Variants in EXOC2 observed in about 807,000 individuals in gnomAD.
The protein encoded by EXOC2 is SEC5-like 1.
In EXOC2, 70 loss-of-function variants were observed where a neutral mutation model predicts 131.8. The ratio of observed to expected loss-of-function variants is 0.53; its 90% CI spans 0.44 to 0.65. The LOEUF is 0.65. EXOC2 is among the 30% of genes least tolerant of loss of function. EXOC2 has a pLI of 0.00. For synonymous variants in EXOC2, 411 were observed against 398.4 expected, an observed-to-expected ratio of 1.03 and a Z score of -0.38; for missense variants, 923 against 1,108.6, an observed-to-expected ratio of 0.83 and a Z score of 2.38.
rs75668712 is a variant in EXOC2, at chr6:659,222, G to A, written c.-43-21361C>T. Among the ~76,000 whole-genome samples the A allele has an allele frequency of 1.2e-3, 182 of 152,208 alleles. No homozygotes were observed. The Middle Eastern group carries it at 0.014, about 11-fold the overall frequency. The stretch of plus-strand genomic sequence containing the variant: ...ATGTCATTTATTTAACTGACATTGC[G>A]TTTGCTGTAATTTTCAAAACACTGC... On this transcript the variant is annotated intron_variant, in intron 1 of 27. Transcript: ENST00000230449.
At chr6:565,509 A>G (rs1376881656) in intron 13 of EXOC2, among the ~76,000 whole-genome samples, 1 of 152,210 alleles carries the variant, frequency 6.6e-6, no homozygotes, top group Non-Finnish European at 1.5e-5. Flanking sequence ...TATATTGACT[A>G]AAAGAGAAGC....
At chr6:692,354 T>TTAC (rs1248233459) in intron 1 of EXOC2, among the ~76,000 whole-genome samples, 1 of 152,248 alleles carries the variant, frequency 6.6e-6, no homozygotes, top group East Asian at 1.9e-4. Context: ...GGATACAGGG[T>TTAC]TACGCATCAC....
intron 18 of EXOC2, 44 bp from the exon 19 acceptor site, chr6:556,057 A>C: frequency 6.3e-7 from 1 of 1,584,330 alleles, no homozygotes. Flanking sequence ...CTTTGCTAAG[A>C]AAAGGTTTTT....
At chr6:509,451 G>A (rs528377274) in intron 23 of EXOC2, among the ~76,000 whole-genome samples, 4 of 152,044 alleles carry the variant, frequency 2.6e-5, no homozygotes, top group African/African-American at 9.7e-5. Flanking sequence ...TCTTAACTTG[G>A]ATTCTCTGAT....
chr6:634,074 T>C (rs1204089427), intron 2 of EXOC2, among the ~76,000 whole-genome samples: 1 of 17,228 alleles, frequency 5.8e-5, no homozygotes, highest in African/African-American at 1.4e-4. Flanking sequence ...ACGTTTTCTT[T>C]TTTTTTTTTG....
chr6:538,063 T>A (rs4409224), intron 22 of EXOC2, among the ~76,000 whole-genome samples: 91,311 of 151,760 alleles, frequency 0.6, 28,537 homozygotes, highest in Middle Eastern at 0.7. Flanking sequence ...CCTCATTTTT[T>A]AAAAAAAGAA....
At chr6:672,408 A>G (rs1763916717) in intron 1 of EXOC2, among the ~76,000 whole-genome samples, 1 of 152,162 alleles carries the variant, frequency 6.6e-6, no homozygotes, top group Non-Finnish European at 1.5e-5. Context: ...AACATCCTCC[A>G]CCATACCTGA....
Position 617,850 on chromosome 6 carries a change from A to G in EXOC2, c.537-15T>C. 1 of 1,609,180 alleles carries G rather than the reference A, an allele frequency of 6.2e-7. No individual in the cohort carries two copies. Among genetic ancestry groups the G allele is most frequent in the Non-Finnish European group, 8.5e-7 (1 of 1,178,196 alleles). ...GCTGCTCAAAACTGAAATGAAATAA[A>G]GAAACCAAAGTTTGACACTTCTAAC... On this transcript the variant is annotated splice_polypyrimidine_tract_variant and intron_variant, in intron 5 of 27. Transcript: ENST00000230449.
rs755697381 is a variant in EXOC2, at chr6:633,084, G to T, written c.152C>A (p.Thr51Lys). ...LTICGHNCLL[T>K]AEWMSASKIV... The stretch of plus-strand genomic sequence containing the variant: ...TTTACTTGCAGACATCCATTCTGCC[G>T]TCAGGAGGCAATTATGTCCACAAAT... Residue 51 changes from threonine to lysine, a missense_variant, in exon 3 of 28, where the codon ACG (threonine) becomes AAG (lysine). Thr to Lys is a moderately conservative substitution (Grantham distance 78, BLOSUM62 -1). Coordinates refer to ENST00000230449, the MANE Select transcript of EXOC2 (RefSeq NM_018303.6). The T allele has an allele frequency of 1.9e-6, 3 of 1,613,710 alleles. No individual in the cohort carries two copies. The highest frequency in any genetic ancestry group is 1.1e-5 in the South Asian group (1 of 91,054).
chr6:670,600 C>T (rs769694505), intron 1 of EXOC2, among the ~76,000 whole-genome samples: 1 of 152,002 alleles, frequency 6.6e-6, no homozygotes, highest in Non-Finnish European at 1.5e-5. Context: ...GCTTCAGTGA[C>T]CTTTCATTTC....
chr6:600,569 T>C (rs1204506989), intron 7 of EXOC2, among the ~76,000 whole-genome samples: 5 of 152,264 alleles, frequency 3.3e-5, no homozygotes, highest in Middle Eastern at 3.4e-3. Context: ...AGCACTGTTG[T>C]TTTACATTTT....
intron 1 of EXOC2, among the ~76,000 whole-genome samples, chr6:690,551 A>C (rs1469252031): frequency 6.6e-6 from 1 of 151,664 alleles, no homozygotes; most frequent in East Asian, 1.9e-4. Flanking sequence ...AAAATACAAA[A>C]AGTTAGTCGG....
At chr6:609,434 C>T (rs1291886670) in intron 7 of EXOC2, among the ~76,000 whole-genome samples, 1 of 152,088 alleles carries the variant, frequency 6.6e-6, no homozygotes, top group East Asian at 1.9e-4. Flanking sequence ...ATTTTTAAGC[C>T]ACTAACATCA....
chr6:577,302 T>C (rs1387540498), intron 11 of EXOC2, among the ~76,000 whole-genome samples: 1 of 152,204 alleles, frequency 6.6e-6, no homozygotes, highest in Non-Finnish European at 1.5e-5. Flanking sequence ...CTTGGACACA[T>C]GGGATTTCAC....
intron 1 of EXOC2, among the ~76,000 whole-genome samples, chr6:649,221 G>T (rs1386885140): frequency 6.6e-6 from 1 of 152,196 alleles, no homozygotes; most frequent in African/African-American, 2.4e-5. Context: ...AAAGCATAGG[G>T]ATAAAGAGGT....
chr6:490,768 C>G (rs1763383726), intron 26 of EXOC2, among the ~76,000 whole-genome samples: 1 of 152,200 alleles, frequency 6.6e-6, no homozygotes, highest in South Asian at 2.1e-4. Context: ...ATTTCCACTA[C>G]AAAATTTTGC....
intron 7 of EXOC2, 145 bp from the exon 8 acceptor site, chr6:599,370 T>A: frequency 1.4e-6 from 1 of 740,178 alleles, no homozygotes; most frequent in South Asian, 3.6e-5. Flanking sequence ...GGGGATCTTT[T>A]ATGGTTTGCT....
intron 23 of EXOC2, among the ~76,000 whole-genome samples, chr6:516,964 C>G (rs1056104488): frequency 1.3e-5 from 2 of 152,166 alleles, no homozygotes; most frequent in Admixed American, 1.3e-4. Context: ...TTCTCACCTG[C>G]CTGGTGGGAG....
intron 1 of EXOC2, chr6:657,191 T>C: frequency 2.6e-6 from 1 of 380,138 alleles, no homozygotes; most frequent in Non-Finnish European, 4.7e-6. Context: ...ACAAAATGCT[T>C]CCGTTTCCAC....
Sources: gnomAD v4.1 joint callset for allele counts (sites outside exome capture counted in the v4.1 genomes callset) on GRCh38, gnomAD v4.1.1 for gene constraint, MANE v1.5 for transcripts, NCBI Gene and HGNC (gene_info 2026-07-23, HGNC 2026-07-21) for gene names.